The following AURKA variants were observed in gnomAD, a reference collection of about 807,000 sequenced individuals.
The protein encoded by AURKA is aurora 2.
AURKA carries 12 observed loss-of-function variants against 40.9 expected under a neutral mutation model. The ratio of observed to expected loss-of-function variants is 0.29; its 90% CI spans 0.19 to 0.48. The LOEUF is 0.48. Among genes scored for constraint, AURKA ranks in the 20% least tolerant of loss-of-function variants. AURKA has a pLI of 0.99. For missense variants in AURKA, 322 were observed against 462.1 expected (o/e 0.70, Z 2.78); for synonymous variants, 170 against 164.3 (o/e 1.03, Z -0.26).
chr20:56,373,874 C>T lies in AURKA; in HGVS notation c.706-318G>A, dbSNP rs2067403685. Among the ~76,000 whole-genome samples, 1 of 152,144 alleles carries T rather than the reference C, an allele frequency of 6.6e-6. No individual in the cohort carries two copies. The highest frequency in any genetic ancestry group is 2.1e-4 in the South Asian group (1 of 4,838). ...CTGAGGCAGGAGGATTGCTTGAGAC[C>T]AGGAGGTCAAAGCTGCAGTGAGCCA... On this transcript the variant is annotated intron_variant, in intron 6 of 8. Coordinates refer to ENST00000395915, the MANE Select transcript of AURKA (RefSeq NM_198437.3). The surrounding 1 kb of genome is among the most constrained non-coding windows in gnomAD (Gnocchi z 5.0).
chr20:56,377,268 C>A (rs1473928274), intron 6 of AURKA, among the ~76,000 whole-genome samples: 2 of 152,168 alleles, frequency 1.3e-5, no homozygotes, highest in East Asian at 1.9e-4. Flanking sequence ...CAGAGTGAAA[C>A]CCTTTCTCAA....
At chr20:56,382,163 CAA>C (rs1387011548) in intron 5 of AURKA, among the ~76,000 whole-genome samples, 1 of 104,828 alleles carries the variant, frequency 9.5e-6, no homozygotes. Flanking sequence ...GACTCCATCT[CAA>C]AAAAAAAAAG....
At chr20:56,389,403 A>G (rs954399161) in intron 1 of AURKA, among the ~76,000 whole-genome samples, 7 of 152,108 alleles carry the variant, frequency 4.6e-5, no homozygotes, top group Admixed American at 2.0e-4. Context: ...CAATCCTAAC[A>G]TATCCAAAAC....
At chr20:56,377,041 C>G (rs986404189) in intron 6 of AURKA, among the ~76,000 whole-genome samples, 68 of 152,154 alleles carry the variant, frequency 4.5e-4, no homozygotes, top group African/African-American at 1.6e-3. Flanking sequence ...GAACCAAGAT[C>G]ACGTCACTGC....
intron 1 of AURKA, chr20:56,390,724 TG>T (rs1986991827): frequency 6.6e-6 from 1 of 151,950 alleles, no homozygotes; most frequent in African/African-American, 2.4e-5. Context: ...AATTCCATGA[TG>T]AAGCCAGGCC....
At chr20:56,389,133 G>A (rs777740587) in intron 1 of AURKA, among the ~76,000 whole-genome samples, 3 of 151,996 alleles carry the variant, frequency 2.0e-5, no homozygotes, top group East Asian at 1.9e-4. Flanking sequence ...CCACCTAGTC[G>A]TCCTGTCTTT....
intron 5 of AURKA, among the ~76,000 whole-genome samples, chr20:56,382,304 C>T (rs958975966): frequency 1.3e-5 from 2 of 152,134 alleles, no homozygotes; most frequent in African/African-American, 4.8e-5. Flanking sequence ...CTGTGGCCAG[C>T]GGGAAGCAGG....
At chr20:56,376,091 T>C (rs978037926) in intron 6 of AURKA, among the ~76,000 whole-genome samples, 1 of 152,224 alleles carries the variant, frequency 6.6e-6, no homozygotes, top group African/African-American at 2.4e-5. Context: ...TAATGTGTAA[T>C]TTTGTAGTGT....
chr20:56,369,720 A>G lies in AURKA; in HGVS notation c.*438T>C. 1 of 361,120 alleles carries G rather than the reference A, an allele frequency of 2.8e-6. No homozygotes were observed. Among genetic ancestry groups the G allele is most frequent in the South Asian group, 4.1e-5 (1 of 24,460 alleles). 22.4% of individuals were successfully genotyped at this position (361,120 alleles called of 1,614,324 possible). On this transcript the variant is annotated 3_prime_UTR_variant, in exon 9 of 9. Transcript: ENST00000395915. ...AAAAGAATCACATACTCATTCCAAC[A>G]GCTTTACCAGGCTTCGCCAACCCAA...
chr20:56,372,108 G>T (rs1984323373), intron 7 of AURKA, among the ~76,000 whole-genome samples: 1 of 152,186 alleles, frequency 6.6e-6, no homozygotes, highest in African/African-American at 2.4e-5. Context: ...CAGTCTGTGT[G>T]GGTTCGTGTT....
chr20:56,384,450 T>C, intron 3 of AURKA, 126 bp from the exon 4 acceptor site: 1 of 501,600 alleles, frequency 2.0e-6, no homozygotes. Flanking sequence ...GATAAATCTG[T>C]TTTTTTTTTT....
At chr20:56,371,970 A>G (rs1186569268) in intron 7 of AURKA, among the ~76,000 whole-genome samples, 1 of 152,222 alleles carries the variant, frequency 6.6e-6, no homozygotes, top group Non-Finnish European at 1.5e-5. Context: ...ACTAAATGGG[A>G]AAAACTGCTG....
chr20:56,386,670 T>C (rs1986421342), intron 2 of AURKA, 137 bp from the exon 3 acceptor site: 2 of 947,322 alleles, frequency 2.1e-6, no homozygotes, highest in Admixed American at 2.1e-5. Flanking sequence ...TGAAAAGGTA[T>C]TTTAATCAGT....
chr20:56,369,566 T>G lies in AURKA; in HGVS notation c.*592A>C. The G allele has an allele frequency of 4.0e-6, 1 of 250,042 alleles. No individual in the cohort carries two copies. The highest frequency in any genetic ancestry group is 7.9e-6 in the Non-Finnish European group (1 of 126,382). The allele number at this position is 250,042 out of a possible 1,614,324, so 15.5% of individuals were successfully genotyped here. On this transcript the variant is annotated 3_prime_UTR_variant, in exon 9 of 9. Transcript: ENST00000395915. ...ATTTTTCACACTCTCATATGGGAGA[T>G]AAGTGGTTAAGGAGGACTAGAAACC...
At chr20:56,383,411 T>C (rs1269547580) in intron 4 of AURKA, among the ~76,000 whole-genome samples, 1 of 152,202 alleles carries the variant, frequency 6.6e-6, no homozygotes, top group Non-Finnish European at 1.5e-5. Context: ...TCTCGGGTTT[T>C]AGACCTGAAG....
intron 1 of AURKA, among the ~76,000 whole-genome samples, chr20:56,390,925 C>T (rs991989198): frequency 6.6e-6 from 1 of 152,170 alleles, no homozygotes; most frequent in Non-Finnish European, 1.5e-5. Flanking sequence ...ATTCAACATT[C>T]TTCTGACAGA....
In AURKA at chr20:56,373,216, A is replaced by C. The variant is rs1299942115; in HGVS notation, c.854+192T>G. Among the ~76,000 whole-genome samples the C allele has an allele frequency of 2.0e-5, 3 of 152,212 alleles. No individual in the cohort carries two copies. Among genetic ancestry groups the C allele is most frequent in the African/African-American group, 7.2e-5 (3 of 41,442 alleles). On this transcript the variant is annotated intron_variant, in intron 7 of 8. Coordinates refer to ENST00000395915, the MANE Select transcript of AURKA (RefSeq NM_198437.3). The surrounding 1 kb of genome is among the most constrained non-coding windows in gnomAD (Gnocchi z 5.0). Reference sequence around the variant, plus strand: ...GCCTAGAACACTGCTAATAGCCCCAAATCTCCACAGAATAACACTTTCTTG... The same window carrying C: ...GCCTAGAACACTGCTAATAGCCCCACATCTCCACAGAATAACACTTTCTTG...
intron 1 of AURKA, among the ~76,000 whole-genome samples, chr20:56,390,060 C>T (rs1321278072): frequency 6.6e-6 from 1 of 152,070 alleles, no homozygotes; most frequent in East Asian, 1.9e-4. Context: ...CAGAAGACCC[C>T]CATGGCTCCC....
intron 7 of AURKA, among the ~76,000 whole-genome samples, chr20:56,372,510 G>C (rs989361730): frequency 4.5e-4 from 60 of 134,674 alleles, no homozygotes; most frequent in African/African-American, 1.6e-3. Context: ...CCAGATAACA[G>C]CTCCCACTAA....
Sources: allele counts gnomAD v4.1 joint callset (sites outside exome capture counted in the v4.1 genomes callset), GRCh38; gene constraint gnomAD v4.1.1; non-coding constraint Gnocchi (gnomAD v3.1); transcripts MANE v1.5; gene names NCBI Gene and HGNC (gene_info 2026-07-23, HGNC 2026-07-21).